Variants in NTRK2 observed in about 807,000 individuals in gnomAD.
NTRK2 encodes BDNF/NT-3 growth factors receptor.
A neutral mutation model predicts 94.5 loss-of-function variants in NTRK2; 13 were observed. That is an observed-to-expected ratio of 0.14 (90% CI 0.09 to 0.22). NTRK2 has a LOEUF of 0.22. NTRK2 is among the 10% of genes least tolerant of loss of function. The pLI, the probability that NTRK2 is intolerant of heterozygous loss-of-function variation, is 1.00. For synonymous variants in NTRK2, 372 were observed against 407.4 expected, an observed-to-expected ratio of 0.91 and a Z score of 1.05; for missense variants, 639 against 1,071.2, an observed-to-expected ratio of 0.60 and a Z score of 5.63.
chr9:84,918,493 G>T (rs1451398283), intron 14 of NTRK2, among the ~76,000 whole-genome samples: 2 of 152,026 alleles, frequency 1.3e-5, no homozygotes, highest in African/African-American at 4.8e-5. Flanking sequence ...CACTGGGGAG[G>T]TCTGAAGGGG....
chr9:84,875,149 C>G (rs2076016715), intron 14 of NTRK2: 2 of 1,059,600 alleles, frequency 1.9e-6, no homozygotes, highest in East Asian at 1.0e-4. Flanking sequence ...AATATAAAGT[C>G]TGACCATATG....
At chr9:84,672,242 A>G (rs7036246) in intron 2 of NTRK2, among the ~76,000 whole-genome samples, 10,426 of 152,154 alleles carry the variant, frequency 0.069, 1,186 homozygotes, top group African/African-American at 0.23. Context: ...GCCTCAGGCA[A>G]AAGGAAATGA....
At chr9:84,910,238 G>A (rs149221972) in intron 14 of NTRK2, among the ~76,000 whole-genome samples, 144 of 152,240 alleles carry the variant, frequency 9.5e-4, no homozygotes, top group Middle Eastern at 3.4e-3. Flanking sequence ...CAAACTTGGT[G>A]GCTTAAAACA....
chr9:84,880,108 C>G (rs1369062269), intron 14 of NTRK2, among the ~76,000 whole-genome samples: 1 of 152,064 alleles, frequency 6.6e-6, no homozygotes, highest in Non-Finnish European at 1.5e-5. Flanking sequence ...AGTTTTAGTT[C>G]AGAAAATCCT....
intron 2 of NTRK2, among the ~76,000 whole-genome samples, chr9:84,698,381 T>G (rs2060517460): frequency 9.6e-6 from 1 of 103,772 alleles, no homozygotes; most frequent in African/African-American, 3.9e-5. Flanking sequence ...TCTGATTTAA[T>G]CTAATATATA....
intron 14 of NTRK2, chr9:84,872,707 T>A: frequency 9.4e-7 from 1 of 1,065,246 alleles, no homozygotes; most frequent in Non-Finnish European, 1.1e-6. Flanking sequence ...TGTGTGTGTA[T>A]CCTTGTGTAT....
chr9:84,815,119 C>G (rs200692967), intron 12 of NTRK2: 1 of 1,057,646 alleles, frequency 9.5e-7, no homozygotes. Flanking sequence ...CCACTAAAGT[C>G]AGTCCATTTT....
intron 14 of NTRK2, among the ~76,000 whole-genome samples, chr9:84,894,826 A>T (rs2076712265): frequency 6.6e-6 from 1 of 152,208 alleles, no homozygotes; most frequent in Non-Finnish European, 1.5e-5. Context: ...CACAATTCAT[A>T]AGCCTTTTCC....
At chr9:84,872,882 T>C (rs979695305) in intron 14 of NTRK2, 35 of 1,065,184 alleles carry the variant, frequency 3.3e-5, no homozygotes, top group Non-Finnish European at 3.9e-5. Flanking sequence ...AAGGCACCCA[T>C]TCTGCTCCCC....
At chr9:85,007,015 T>C (rs1366390061) in intron 17 of NTRK2, among the ~76,000 whole-genome samples, 1 of 152,230 alleles carries the variant, frequency 6.6e-6, no homozygotes, top group Non-Finnish European at 1.5e-5. Flanking sequence ...GGCAACCACA[T>C]ACAATCCATT....
chr9:84,909,110 C>T (rs557476448), intron 14 of NTRK2, among the ~76,000 whole-genome samples: 2 of 152,210 alleles, frequency 1.3e-5, no homozygotes, highest in Non-Finnish European at 1.5e-5. Flanking sequence ...CCCCTGGAAC[C>T]CACTATTCTA....
chr9:85,021,448 C>T lies in NTRK2; in HGVS notation c.*11C>T, dbSNP rs771615489. ...GACATTCTAGGCTAGGGCCCTTTTC[C>T]CCAGACCGATCCTTCCCAACGTACT... On this transcript the variant is annotated 3_prime_UTR_variant, in exon 19 of 19. Coordinates refer to ENST00000277120, the MANE Select transcript of NTRK2 (RefSeq NM_006180.6). The T allele has an allele frequency of 4.3e-6, 7 of 1,613,834 alleles. No homozygotes were observed. The highest frequency in any genetic ancestry group is 5.1e-6 in the Non-Finnish European group (6 of 1,179,892).
chr9:84,826,523 T>C (rs2073200452), intron 12 of NTRK2, among the ~76,000 whole-genome samples: 1 of 152,198 alleles, frequency 6.6e-6, no homozygotes, highest in African/African-American at 2.4e-5. Flanking sequence ...CAGGCCACCA[T>C]GTAACCCACT....
At chr9:84,699,073 G>A (rs1046088276) in intron 2 of NTRK2, among the ~76,000 whole-genome samples, 3 of 148,280 alleles carry the variant, frequency 2.0e-5, no homozygotes, top group Admixed American at 6.8e-5. Flanking sequence ...GTCTTGCACT[G>A]TTGCCCAGGC....
intron 17 of NTRK2, among the ~76,000 whole-genome samples, chr9:85,001,408 A>T (rs1394199063): frequency 6.6e-6 from 1 of 152,286 alleles, no homozygotes; most frequent in African/African-American, 2.4e-5. Flanking sequence ...GATCTCTGCC[A>T]CTGGTCCTCT....
At chr9:84,922,508 A>T (rs577982910) in intron 14 of NTRK2, among the ~76,000 whole-genome samples, 4 of 152,100 alleles carry the variant, frequency 2.6e-5, no homozygotes, top group African/African-American at 9.7e-5. Flanking sequence ...CAAAAGAATC[A>T]TTTTCTATAG....
chr9:84,723,827 C>T (rs1056059768), intron 7 of NTRK2, 118 bp downstream of exon 7: 2 of 1,408,556 alleles, frequency 1.4e-6, no homozygotes, highest in Admixed American at 3.4e-5. Flanking sequence ...TAGAAATTTA[C>T]AAAGAGTTTT....
intron 14 of NTRK2, chr9:84,876,632 C>A: frequency 9.4e-7 from 1 of 1,058,584 alleles, no homozygotes; most frequent in Non-Finnish European, 1.1e-6. Context: ...ATATCTTTAC[C>A]CACATGATTT....
At chr9:84,759,950 T>C (rs1360333347) in intron 12 of NTRK2, among the ~76,000 whole-genome samples, 1 of 152,244 alleles carries the variant, frequency 6.6e-6, no homozygotes, top group Non-Finnish European at 1.5e-5. Flanking sequence ...TTTATCTTAC[T>C]TTATTTTGAG....
Sources: gnomAD v4.1 joint callset for allele counts (sites outside exome capture counted in the v4.1 genomes callset) on GRCh38, gnomAD v4.1.1 for gene constraint, MANE v1.5 for transcripts, NCBI Gene and HGNC (gene_info 2026-07-23, HGNC 2026-07-21) for gene names.